The following CRYZ variants were observed in gnomAD, a reference collection of about 807,000 sequenced individuals.
CRYZ encodes crystallin zeta, also known as zeta-crystallin.
In CRYZ, 35 loss-of-function variants were observed where a neutral mutation model predicts 34.1. That is an observed-to-expected ratio of 1.03 (90% CI 0.78 to 1.36). The LOEUF (loss-of-function observed/expected upper bound fraction) is 1.36, where lower values mean the gene tolerates loss of function less well. Among genes scored for constraint, CRYZ ranks in the 40% most tolerant of loss-of-function variants. The pLI, the probability that CRYZ is intolerant of heterozygous loss-of-function variation, is 0.00. For synonymous variants in CRYZ, 137 were observed against 136.5 expected (o/e 1.00, Z -0.03); for missense variants, 403 against 391.8 (o/e 1.03, Z -0.24).
At chr1:74,718,573 G>C (rs1647108582) in intron 4 of CRYZ, among the ~76,000 whole-genome samples, 1 of 152,032 alleles carries the variant, frequency 6.6e-6, no homozygotes, top group Non-Finnish European at 1.5e-5. Context: ...ACAAAATCAA[G>C]TTTCTATAGC....
chr1:74,730,871 A>G (rs937614890), intron 1 of CRYZ, among the ~76,000 whole-genome samples: 4 of 152,236 alleles, frequency 2.6e-5, no homozygotes, highest in Admixed American at 6.5e-5. Context: ...GTAGAATCGC[A>G]TATTTTATGA....
chr1:74,726,426 T>C (rs143797446), intron 1 of CRYZ, among the ~76,000 whole-genome samples: 1 of 152,310 alleles, frequency 6.6e-6, no homozygotes, highest in Non-Finnish European at 1.5e-5. Context: ...CTGATCTGTA[T>C]GTTGGCACCT....
chr1:74,728,486 T>C (rs1371763790), intron 1 of CRYZ, among the ~76,000 whole-genome samples: 1 of 152,248 alleles, frequency 6.6e-6, no homozygotes, highest in Non-Finnish European at 1.5e-5. Context: ...TGTTAGATTC[T>C]GCCATCACCT....
rs371726643 is a variant in CRYZ at position 74,706,380 on chromosome 1, T to C, written c.906A>G (p.Gln302=). The C allele has an allele frequency of 1.2e-6, 2 of 1,613,144 alleles. No individual in the cohort carries two copies. The highest frequency in any genetic ancestry group is 1.7e-6 in the Non-Finnish European group (2 of 1,179,430). Reference sequence around the variant, plus strand: ...CCTCGGCCACCTTCTCCAATGGATATTGAGAACCTATCACAGGTTTCAACC... The same window carrying C: ...CCTCGGCCACCTTCTCCAATGGATACTGAGAACCTATCACAGGTTTCAACC... ...IGWLKPVIGS[Q]YPLEKVAEAH... is the part of the protein sequence containing the mutation. The change falls in exon 9 of 9, where the codon CAA becomes CAG. Residue 302 remains glutamine, a synonymous_variant. Coordinates refer to ENST00000340866, the MANE Select transcript of CRYZ (RefSeq NM_001889.4).
At chr1:74,717,673 T>G (rs2100710421) in intron 4 of CRYZ, among the ~76,000 whole-genome samples, 1 of 152,302 alleles carries the variant, frequency 6.6e-6, no homozygotes. Flanking sequence ...CCTTGAGATG[T>G]TTAAGTAACT....
chr1:74,718,489 G>C (rs1445425195), intron 4 of CRYZ, among the ~76,000 whole-genome samples: 8 of 152,124 alleles, frequency 5.3e-5, no homozygotes, highest in Non-Finnish European at 1.2e-4. Flanking sequence ...TTTGATGACA[G>C]CTAACATTTA....
intron 1 of CRYZ, among the ~76,000 whole-genome samples, chr1:74,725,199 T>C (rs1353770054): frequency 6.6e-6 from 1 of 152,238 alleles, no homozygotes; most frequent in Non-Finnish European, 1.5e-5. Flanking sequence ...CCTCCTTTTG[T>C]TAGATTATGA....
In CRYZ at chr1:74,706,067, T is replaced by C. The variant is rs17459; in HGVS notation, c.*229A>G. On this transcript the variant is annotated 3_prime_UTR_variant, in exon 9 of 9. Transcript: ENST00000340866. ...CTCATGCCAAATGACAACTAACATG[T>C]TATTTCCTACTATGATGACTCTTTG... The C allele has an allele frequency of 0.6, 232,843 of 384,996 alleles. 71,491 individuals carry two copies. Among genetic ancestry groups the C allele is most frequent in the East Asian group, 0.72 (17,479 of 24,390 alleles). The allele number at this position is 384,996 out of a possible 1,614,324, so 23.8% of individuals were successfully genotyped here. A position where few individuals can be genotyped will look rare whatever the true frequency, so the allele number is the denominator to read the frequency against.
intron 5 of CRYZ, 47 bp downstream of exon 5, chr1:74,714,532 C>G: frequency 6.4e-7 from 1 of 1,560,392 alleles, no homozygotes; most frequent in Non-Finnish European, 8.8e-7. Context: ...TAATGTGAAA[C>G]CCATAAACCC....
At chr1:74,732,863 G>A (rs1647919941) in intron 1 of CRYZ, 93 bp downstream of exon 1, 2 of 209,830 alleles carry the variant, frequency 9.5e-6, no homozygotes, top group African/African-American at 4.7e-5. Flanking sequence ...GGCAGGAAAG[G>A]GGTGCAGCCA....
intron 3 of CRYZ, among the ~76,000 whole-genome samples, chr1:74,721,539 G>C (rs1264236644): frequency 4.6e-5 from 7 of 152,212 alleles, no homozygotes; most frequent in African/African-American, 1.7e-4. Context: ...ATTCATTCTA[G>C]AGTAAGGATG....
chr1:74,732,241 C>A (rs1400920124), intron 1 of CRYZ, among the ~76,000 whole-genome samples: 1 of 142,144 alleles, frequency 7.0e-6, no homozygotes, highest in South Asian at 2.3e-4. Flanking sequence ...GAAATCAAAT[C>A]CCCTACAGCT....
At position 74,707,154 on chromosome 1, in the gene CRYZ, A is replaced by T; in HGVS notation, c.681T>A (p.Asn227Lys). The T allele has an allele frequency of 6.3e-7, 1 of 1,587,110 alleles. No individual in the cohort carries two copies. ...GACTCAAGTCTTTACTAAGATTTAC[A>T]TTAGCTAACATTTCAATAATTATAT... ...GIDIIIEMLANVNLSKDLSLL... is the reference protein window; with the variant it reads ...GIDIIIEMLAKVNLSKDLSLL... The change falls in exon 7 of 9, where the codon AAT becomes AAA. Residue 227 changes from asparagine to lysine, a missense_variant. Asn to Lys is a moderately conservative substitution (Grantham distance 94). Coordinates refer to ENST00000340866, the MANE Select transcript of CRYZ (RefSeq NM_001889.4).
chr1:74,717,158 G>A (rs1219298472), intron 4 of CRYZ, among the ~76,000 whole-genome samples: 1 of 151,598 alleles, frequency 6.6e-6, no homozygotes, highest in East Asian at 1.9e-4. Flanking sequence ...CTCTACCTAT[G>A]TCCTAAGTCC....
intron 1 of CRYZ, among the ~76,000 whole-genome samples, chr1:74,727,879 T>A (rs1198111435): frequency 6.6e-6 from 1 of 152,194 alleles, no homozygotes; most frequent in African/African-American, 2.4e-5. Flanking sequence ...ATAGATATAA[T>A]TGAAGCCAAA....
In CRYZ at chr1:74,724,699, T is replaced by C; in HGVS notation, c.111+12A>G. 1 of 1,549,628 alleles carries C rather than the reference T, an allele frequency of 6.5e-7. No homozygotes were observed. Among genetic ancestry groups the C allele is most frequent in the South Asian group, 1.1e-5 (1 of 88,286 alleles). On this transcript the variant is annotated intron_variant, in intron 2 of 8. Transcript: ENST00000340866. Reference sequence around the variant, plus strand: ...TATAATTATAGCCTCAATAAAGTAATTTTATTTCTACCTGATGGTCTTTTG... The same window carrying C: ...TATAATTATAGCCTCAATAAAGTAACTTTATTTCTACCTGATGGTCTTTTG...
intron 6 of CRYZ, chr1:74,708,661 T>C (rs1258836766): frequency 1.3e-5 from 2 of 152,112 alleles, no homozygotes; most frequent in African/African-American, 4.8e-5. Flanking sequence ...AAATGAGGGT[T>C]TCTGTCTTGG....
intron 6 of CRYZ, chr1:74,707,652 C>T (rs1646948074): frequency 6.5e-6 from 1 of 153,018 alleles, no homozygotes. Flanking sequence ...TGTTTTAGTG[C>T]ATTTGGTTTT....
At chr1:74,718,813 T>C (rs1296022973) in intron 4 of CRYZ, among the ~76,000 whole-genome samples, 1 of 152,116 alleles carries the variant, frequency 6.6e-6, no homozygotes, top group East Asian at 1.9e-4. Flanking sequence ...TTCTAATGGA[T>C]AACAAGATTT....
Sources: gnomAD v4.1 joint callset for allele counts (sites outside exome capture counted in the v4.1 genomes callset) on GRCh38, gnomAD v4.1.1 for gene constraint, MANE v1.5 for transcripts, NCBI Gene and HGNC (gene_info 2026-07-23, HGNC 2026-07-21) for gene names.